The following ANKMY1 variants were observed in gnomAD, a reference collection of about 807,000 sequenced individuals.
ANKMY1 encodes ankyrin repeat and MYND domain containing 1, also known as ankyrin repeat and MYND domain-containing protein 1.
ANKMY1 carries 98 observed loss-of-function variants against 102.0 expected under a neutral mutation model. The ratio of observed to expected loss-of-function variants is 0.96; its 90% CI spans 0.82 to 1.14. The LOEUF (loss-of-function observed/expected upper bound fraction) is 1.14, where lower values mean the gene tolerates loss of function less well. Ranked by LOEUF, ANKMY1 falls within the 50% of genes most tolerant of loss-of-function variation. The pLI, the probability that ANKMY1 is intolerant of heterozygous loss-of-function variation, is 0.00. For missense variants in ANKMY1, 1,330 were observed against 1,347.6 expected (o/e 0.99, Z 0.20); for synonymous variants, 582 against 559.9 (o/e 1.04, Z -0.56).
Position 240,511,868 on chromosome 2 carries a change from T to G in ANKMY1, c.2279A>C (p.Asp760Ala). The change falls in exon 11 of 18, where the codon GAC becomes GCC. Residue 760 changes from aspartate (D) to alanine (A), a missense_variant. Transcript: ENST00000401804. ...ALHMACERED[D>A]NKCARDIVRL... is the part of the protein sequence containing the mutation. ...GGCCCTGGCTGCCCTCACCTTGTTGTCATCCTCCCGCTCGCAGGCCATGTG... is the reference window on the plus strand; with the variant it reads ...GGCCCTGGCTGCCCTCACCTTGTTGGCATCCTCCCGCTCGCAGGCCATGTG... 1 of 1,588,338 alleles carries G rather than the reference T, an allele frequency of 6.3e-7. No individual in the cohort carries two copies.
At chr2:240,497,837 G>A (rs994974553) in intron 15 of ANKMY1, among the ~76,000 whole-genome samples, 4 of 152,226 alleles carry the variant, frequency 2.6e-5, no homozygotes, top group African/African-American at 9.6e-5. Flanking sequence ...GGAGCTGGGG[G>A]TCGGGACAAT....
intron 13 of ANKMY1, among the ~76,000 whole-genome samples, chr2:240,505,508 G>A (rs2078927930): frequency 6.6e-6 from 1 of 151,896 alleles, no homozygotes; most frequent in Non-Finnish European, 1.5e-5. Context: ...ATAGGACCCA[G>A]CCATCCCACT....
intron 15 of ANKMY1, among the ~76,000 whole-genome samples, chr2:240,498,161 C>T (rs13005508): frequency 0.33 from 50,181 of 150,534 alleles, 9,630 homozygotes; most frequent in East Asian, 0.71. Flanking sequence ...ATGTTTGTGT[C>T]GAGGGGAGGT....
chr2:240,479,936 G>A (rs74270172), intron 17 of ANKMY1, among the ~76,000 whole-genome samples: 47 of 152,302 alleles, frequency 3.1e-4, no homozygotes, highest in East Asian at 2.1e-3. Flanking sequence ...CATTGGCTGC[G>A]CGCGGTGGCT....
rs899861439 is a variant in ANKMY1, at chr2:240,506,558, T to C, written c.2526+1002A>G. Among the ~76,000 whole-genome samples the C allele has an allele frequency of 6.6e-6, 1 of 152,170 alleles. No homozygotes were observed. Among genetic ancestry groups the C allele is most frequent in the Non-Finnish European group, 1.5e-5 (1 of 68,044 alleles). On this transcript the variant is annotated intron_variant, in intron 13 of 17. Transcript: ENST00000401804. The surrounding 1 kb of genome is among the most constrained non-coding windows in gnomAD (Gnocchi z 4.9). ...AGTTCTTTTAAGTAAAGCTACCCTT[T>C]TGTGACGTCAAACAACCTTCCAGAC...
intron 8 of ANKMY1, 91 bp downstream of exon 8, chr2:240,523,794 A>G: frequency 6.6e-7 from 1 of 1,514,548 alleles, no homozygotes; most frequent in Non-Finnish European, 8.9e-7. Flanking sequence ...AACGCCTCCC[A>G]CTGGCACAGG....
intron 11 of ANKMY1, among the ~76,000 whole-genome samples, chr2:240,511,487 C>T (rs562757309): frequency 4.2e-4 from 64 of 152,330 alleles, no homozygotes; most frequent in Middle Eastern, 3.4e-3. Context: ...AAAGGGGCAC[C>T]GCCCAGGGCT....
At chr2:240,526,946 C>G (rs748427675) in intron 5 of ANKMY1, 1 of 1,052,862 alleles carries the variant, frequency 9.5e-7, no homozygotes, top group Non-Finnish European at 1.1e-6. Flanking sequence ...TTTTCACAAT[C>G]GAGAACCTGT....
At chr2:240,507,805 G>T in intron 12 of ANKMY1, 114 bp from the exon 13 acceptor site, 1 of 1,300,016 alleles carries the variant, frequency 7.7e-7, no homozygotes, top group Non-Finnish European at 1.0e-6. Context: ...GGGGCTTCAC[G>T]GAGGCCACCG....
At chr2:240,530,244 C>T (rs980459447) in intron 4 of ANKMY1, among the ~76,000 whole-genome samples, 39 of 152,180 alleles carry the variant, frequency 2.6e-4, no homozygotes, top group Admixed American at 6.5e-4. Flanking sequence ...CCAGGGGAGG[C>T]GCATCTTCCT....
Position 240,553,121 on chromosome 2 carries a change from G to A in ANKMY1, c.337-64C>T, listed in dbSNP as rs1266028200. ...CCAGAACCTGACGGGATGCCCTTGAGGCTGAGCCACCATGCCTGGTTGGCA... is the reference window on the plus strand; with the variant it reads ...CCAGAACCTGACGGGATGCCCTTGAAGCTGAGCCACCATGCCTGGTTGGCA... On this transcript the variant is annotated intron_variant, in intron 3 of 17. Transcript: ENST00000401804. 6 of 1,570,622 alleles carry A rather than the reference G, an allele frequency of 3.8e-6. No homozygotes were observed. The East Asian group carries it at 1.4e-4, about 36-fold the overall frequency.
chr2:240,533,317 T>G (rs943529183), intron 4 of ANKMY1, among the ~76,000 whole-genome samples: 28 of 152,166 alleles, frequency 1.8e-4, no homozygotes, highest in African/African-American at 6.5e-4. Context: ...AACTGCATAA[T>G]AAGATAGCAG....
rs2082101338 is a variant in ANKMY1, at chr2:240,520,873, A to G, written c.1833-340T>C. ...CACACCATAGCACAGCGCACACCAC[A>G]CAGTACGCACACGGCACACCACACA... On this transcript the variant is annotated intron_variant, in intron 8 of 17. Transcript: ENST00000401804. The surrounding 1 kb of genome is among the most constrained non-coding windows in gnomAD (Gnocchi z 4.8). Among the ~76,000 whole-genome samples the G allele has an allele frequency of 6.6e-6, 1 of 151,176 alleles. No individual in the cohort carries two copies. The highest frequency in any genetic ancestry group is 6.6e-5 in the Admixed American group (1 of 15,172).
At chr2:240,513,235 C>T (rs1041112475) in intron 9 of ANKMY1, among the ~76,000 whole-genome samples, 1 of 152,188 alleles carries the variant, frequency 6.6e-6, no homozygotes, top group African/African-American at 2.4e-5. Context: ...CCACTGTCCA[C>T]AACTTCCTCT....
At chr2:240,556,057 C>G (rs531157024) in intron 2 of ANKMY1, among the ~76,000 whole-genome samples, 1 of 152,308 alleles carries the variant, frequency 6.6e-6, no homozygotes, top group African/African-American at 2.4e-5. Context: ...TCATTGGCTC[C>G]CCACATGGTA....
At chr2:240,521,993 G>C (rs947923681) in intron 8 of ANKMY1, 3 of 152,254 alleles carry the variant, frequency 2.0e-5, no homozygotes, top group Non-Finnish European at 4.4e-5. Flanking sequence ...CCACAGCACA[G>C]AAAGGAAACT....
At chr2:240,521,226 G>A (rs1455470892) in intron 8 of ANKMY1, among the ~76,000 whole-genome samples, 1 of 152,112 alleles carries the variant, frequency 6.6e-6, no homozygotes, top group Non-Finnish European at 1.5e-5. Context: ...TGGCCCTGCA[G>A]TAGGCACAGA....
At chr2:240,504,984 TAAAC>T (rs1243239799) in intron 13 of ANKMY1, among the ~76,000 whole-genome samples, 1 of 148,988 alleles carries the variant, frequency 6.7e-6, no homozygotes, top group Non-Finnish European at 1.5e-5. Context: ...GAGACTCTGT[TAAAC>T]ACACACACAC....
downstream of ANKMY1, among the ~76,000 whole-genome samples, chr2:240,475,341 G>A (rs1020498730): frequency 6.6e-6 from 1 of 151,944 alleles, no homozygotes; most frequent in African/African-American, 2.4e-5. Flanking sequence ...ACAAAAATTA[G>A]TTGTGTTTTT....
Sources: gnomAD v4.1 joint callset for allele counts (sites outside exome capture counted in the v4.1 genomes callset) on GRCh38, gnomAD v4.1.1 for gene constraint, Gnocchi (gnomAD v3.1) non-coding constraint, MANE v1.5 for transcripts, NCBI Gene and HGNC (gene_info 2026-07-23, HGNC 2026-07-21) for gene names.